TRAM2: variants seen among roughly 807,000 people sequenced by gnomAD.
TRAM2 encodes translocation associated membrane protein 2, also known as translocating chain-associated membrane protein 2.
In TRAM2, 12 loss-of-function variants were observed where a neutral mutation model predicts 51.0. The observed-to-expected ratio is 0.24, with a 90% CI of 0.15 to 0.38. The LOEUF is 0.38. TRAM2 is among the 10% of genes least tolerant of loss of function. The probability of loss-of-function intolerance (pLI) is 1.00; values close to 1 mark genes in which losing one functional copy is unlikely to be tolerated. For synonymous variants in TRAM2, 175 were observed against 179.4 expected (o/e 0.98, Z 0.20); for missense variants, 361 against 462.0 (o/e 0.78, Z 2.00).
At chr6:52,544,231 A>C (rs1340012779) in intron 1 of TRAM2, among the ~76,000 whole-genome samples, 1 of 152,212 alleles carries the variant, frequency 6.6e-6, no homozygotes, top group Non-Finnish European at 1.5e-5. Flanking sequence ...GCACATAAAG[A>C]CAGGCCTTGA....
At chr6:52,505,931 C>G in intron 8 of TRAM2, 101 bp downstream of exon 8, 1 of 1,425,096 alleles carries the variant, frequency 7.0e-7, no homozygotes, top group South Asian at 1.2e-5. Flanking sequence ...TGCAGGTAAG[C>G]GGGCAGTGTG....
rs1766343940 is a variant in TRAM2, at chr6:52,506,097, G to A, written c.666C>T (p.Tyr222=). Residue 222 remains tyrosine (Y), a synonymous_variant, in exon 8 of 11, where the codon TAC becomes TAT. Transcript: ENST00000182527. ...CCGTGTGGAAGAGGAACTCAGTTGA[G>A]TACTGCAGCAGCAGCAAGATCAGGC... ...RLGLILLLLQ[Y]STEFLFHTAR... 2 of 1,614,164 alleles carry A rather than the reference G, an allele frequency of 1.2e-6. No homozygotes were observed. Among genetic ancestry groups the A allele is most frequent in the Non-Finnish European group, 1.7e-6 (2 of 1,180,046 alleles).
intron 2 of TRAM2, among the ~76,000 whole-genome samples, chr6:52,527,549 C>CT (rs1766806338): frequency 6.6e-6 from 1 of 152,074 alleles, no homozygotes; most frequent in Admixed American, 6.6e-5. Context: ...AGATGATTCA[C>CT]TAGGAGAAGA....
chr6:52,513,044 T>A (rs544697236), intron 4 of TRAM2, among the ~76,000 whole-genome samples: 38 of 152,180 alleles, frequency 2.5e-4, no homozygotes, highest in Admixed American at 5.2e-4. Flanking sequence ...GGAGTGTTTT[T>A]TTTCTTTTTC....
chr6:52,563,248 C>T (rs996826777), intron 1 of TRAM2, among the ~76,000 whole-genome samples: 1 of 152,060 alleles, frequency 6.6e-6, no homozygotes, highest in Non-Finnish European at 1.5e-5. Flanking sequence ...TGGAAAGATC[C>T]CCCAGATATT....
At chr6:52,520,996 G>A (rs530938188) in intron 2 of TRAM2, among the ~76,000 whole-genome samples, 9 of 152,182 alleles carry the variant, frequency 5.9e-5, no homozygotes, top group East Asian at 5.8e-4. Flanking sequence ...ACAACCTCCC[G>A]GGTTCAAGCA....
At chr6:52,572,071 T>C (rs527800138) in intron 1 of TRAM2, among the ~76,000 whole-genome samples, 1 of 152,364 alleles carries the variant, frequency 6.6e-6, no homozygotes, top group African/African-American at 2.4e-5. Context: ...CACTTGAGGC[T>C]TGACCAGTAG....
At chr6:52,503,821 C>T (rs568757024) in intron 10 of TRAM2, among the ~76,000 whole-genome samples, 3 of 152,298 alleles carry the variant, frequency 2.0e-5, no homozygotes, top group East Asian at 1.9e-4. Flanking sequence ...TACCTCCGTG[C>T]GCTTGCTCAA....
At position 52,501,228 on chromosome 6, in the gene TRAM2, A is replaced by C. The variant is rs903419700; in HGVS notation, c.*1969T>G. On this transcript the variant is annotated 3_prime_UTR_variant, in exon 11 of 11. Transcript: ENST00000182527. ...TTCAAAAACACTGTCTCACTTCCTA[A>C]GGGTAATCAAAAGCAACCACGGGTA... 5 of 152,218 alleles carry C rather than the reference A, an allele frequency of 3.3e-5. No individual in the cohort carries two copies. The highest frequency in any genetic ancestry group is 6.5e-5 in the Admixed American group (1 of 15,284). 9.4% of individuals were successfully genotyped at this position (152,218 alleles called of 1,614,324 possible).
At chr6:52,544,654 A>G (rs1767166408) in intron 1 of TRAM2, among the ~76,000 whole-genome samples, 1 of 152,256 alleles carries the variant, frequency 6.6e-6, no homozygotes, top group Non-Finnish European at 1.5e-5. Context: ...GCAGAACTTC[A>G]TGATGATGAT....
chr6:52,548,827 T>C (rs1767256244), intron 1 of TRAM2, among the ~76,000 whole-genome samples: 1 of 152,234 alleles, frequency 6.6e-6, no homozygotes, highest in Admixed American at 6.5e-5. Context: ...GAAGCTCCTT[T>C]GCTTTCTCCA....
At chr6:52,506,916 G>C (rs141442313) in intron 7 of TRAM2, among the ~76,000 whole-genome samples, 3 of 152,330 alleles carry the variant, frequency 2.0e-5, no homozygotes, top group Non-Finnish European at 2.9e-5. Flanking sequence ...TACACACAGT[G>C]AGCTCTGTAA....
intron 1 of TRAM2, among the ~76,000 whole-genome samples, chr6:52,540,763 T>A (rs1254444008): frequency 1.3e-5 from 2 of 152,256 alleles, no homozygotes; most frequent in African/African-American, 4.8e-5. Flanking sequence ...CCTCTAAGGC[T>A]GTTTATAGGA....
intron 1 of TRAM2, among the ~76,000 whole-genome samples, chr6:52,554,955 C>G (rs1767378280): frequency 6.6e-6 from 1 of 151,970 alleles, no homozygotes; most frequent in Admixed American, 6.6e-5. Flanking sequence ...CTCAAGGGAT[C>G]CTCCTGCCTC....
chr6:52,538,538 G>T (rs1476360494), intron 1 of TRAM2, among the ~76,000 whole-genome samples: 2 of 152,116 alleles, frequency 1.3e-5, no homozygotes. Flanking sequence ...AGTTGGCCAG[G>T]GTCCACTTCT....
chr6:52,544,388 G>C (rs191396831), intron 1 of TRAM2, among the ~76,000 whole-genome samples: 184 of 152,286 alleles, frequency 1.2e-3, no homozygotes, highest in African/African-American at 4.1e-3. Context: ...GTCAGTAAAA[G>C]AGCTTAAATG....
At chr6:52,537,460 C>G (rs1490225816) in intron 1 of TRAM2, among the ~76,000 whole-genome samples, 1 of 152,070 alleles carries the variant, frequency 6.6e-6, no homozygotes, top group Non-Finnish European at 1.5e-5. Context: ...AGTTTGCGTC[C>G]TACCTTTCCT....
chr6:52,556,670 G>A (rs926345634), intron 1 of TRAM2, among the ~76,000 whole-genome samples: 2 of 151,930 alleles, frequency 1.3e-5, no homozygotes, highest in African/African-American at 2.4e-5. Flanking sequence ...GCTCATGCCT[G>A]TAATCCCAGC....
chr6:52,516,514 G>T, intron 3 of TRAM2, 114 bp downstream of exon 3: 1 of 868,940 alleles, frequency 1.2e-6, no homozygotes, highest in Non-Finnish European at 1.9e-6. Flanking sequence ...CCCAACCAGT[G>T]CAAGCAAGTT....
Sources: allele counts gnomAD v4.1 joint callset (sites outside exome capture counted in the v4.1 genomes callset), GRCh38; gene constraint gnomAD v4.1.1; transcripts MANE v1.5; gene names NCBI Gene and HGNC (gene_info 2026-07-23, HGNC 2026-07-21).